Variants in RSBN1 observed in about 807,000 individuals in gnomAD.
RSBN1 encodes the protein round spermatid basic protein 1.
A neutral mutation model predicts 74.8 loss-of-function variants in RSBN1; 23 were observed. The observed-to-expected ratio is 0.31, with a 90% CI of 0.22 to 0.44. The LOEUF is 0.44. Among genes scored for constraint, RSBN1 ranks in the 20% least tolerant of loss-of-function variants. The pLI, the probability that RSBN1 is intolerant of heterozygous loss-of-function variation, is 1.00. For synonymous variants in RSBN1, 407 were observed against 379.6 expected, an observed-to-expected ratio of 1.07 and a Z score of -0.84; for missense variants, 808 against 1,020.9, an observed-to-expected ratio of 0.79 and a Z score of 2.84.
At chr1:113,779,034 A>T (rs1420151199) in intron 2 of RSBN1, among the ~76,000 whole-genome samples, 13 of 152,318 alleles carry the variant, frequency 8.5e-5, no homozygotes, top group Non-Finnish European at 1.8e-4. Flanking sequence ...ATAGCAATGG[A>T]CTAGACTAGA....
intron 2 of RSBN1, among the ~76,000 whole-genome samples, chr1:113,791,492 A>G (rs905702750): frequency 6.6e-6 from 1 of 152,200 alleles, no homozygotes; most frequent in South Asian, 2.1e-4. Flanking sequence ...CACTATGTGG[A>G]AAACCCTGTG....
chr1:113,812,393 C>T lies in RSBN1; in HGVS notation c.20G>A (p.Arg7Lys), dbSNP rs913047293. 3 of 1,600,446 alleles carry T rather than the reference C, an allele frequency of 1.9e-6. No individual in the cohort carries two copies. Among genetic ancestry groups the T allele is most frequent in the African/African-American group, 2.7e-5 (2 of 74,906 alleles). The change falls in exon 1 of 7, where the codon AGA becomes AAA. Residue 7 changes from arginine (R) to lysine (K), a missense_variant. Arg to Lys is a conservative substitution (Grantham distance 26). Coordinates refer to ENST00000261441, the MANE Select transcript of RSBN1 (RefSeq NM_018364.5). ...CTCCGCCCTCCACTTGTCGGCCGTT[C>T]TTCGTCCAGAGATGAACATGCCGGA... MFISGR[R>K]TADKWRAEER... is the part of the protein sequence containing the mutation.
intron 2 of RSBN1, among the ~76,000 whole-genome samples, chr1:113,795,313 T>A (rs949866941): frequency 6.6e-6 from 1 of 152,204 alleles, no homozygotes; most frequent in Non-Finnish European, 1.5e-5. Context: ...GTTTCTTCCA[T>A]GGGAAACACA....
Position 113,766,039 on chromosome 1 carries a change from T to C in RSBN1, c.2350A>G (p.Ser784Gly). ...TQPIPVLKVESRLDSDQQHNL... is the reference protein window; with the variant it reads ...TQPIPVLKVEGRLDSDQQHNL... ...TGTTGCTGGTCAGAGTCCAGTCTAC[T>C]TTCCACTTTTAAAACTGGAATAGGC... The change falls in exon 7 of 7, where the codon AGT (serine) becomes GGT (glycine). Residue 784 changes from serine to glycine, a missense_variant. Ser to Gly is a moderately conservative substitution (Grantham distance 56, BLOSUM62 0). This residue lies in a region of RSBN1 where 91 missense variants were observed against 99.6 expected (regional missense o/e 0.91). Transcript: ENST00000261441. 1 of 1,614,100 alleles carries C rather than the reference T, an allele frequency of 6.2e-7. No individual in the cohort carries two copies.
At chr1:113,774,797 G>A (rs1174245037) in intron 4 of RSBN1, among the ~76,000 whole-genome samples, 1 of 152,118 alleles carries the variant, frequency 6.6e-6, no homozygotes, top group Non-Finnish European at 1.5e-5. Flanking sequence ...ATGGGCTACA[G>A]TGAGCCCTGA....
Position 113,763,729 on chromosome 1 carries a change from G to C in RSBN1, c.*2251C>G, listed in dbSNP as rs192278191. The C allele has an allele frequency of 6.7e-6, 1 of 148,776 alleles. No individual in the cohort carries two copies. Among genetic ancestry groups the C allele is most frequent in the Non-Finnish European group, 1.5e-5 (1 of 67,056 alleles). 9.2% of individuals were successfully genotyped at this position (148,776 alleles called of 1,614,324 possible). Reference sequence around the variant, plus strand: ...CTTTTAATGTGTTTATATTGGAGGTGAGGGTAGAATGTTTTATAAAAGGAA... The same window carrying C: ...CTTTTAATGTGTTTATATTGGAGGTCAGGGTAGAATGTTTTATAAAAGGAA... On this transcript the variant is annotated 3_prime_UTR_variant, in exon 7 of 7. Transcript: ENST00000261441.
intron 1 of RSBN1, among the ~76,000 whole-genome samples, chr1:113,803,217 C>G (rs940504497): frequency 6.6e-6 from 1 of 152,182 alleles, no homozygotes; most frequent in African/African-American, 2.4e-5. Context: ...ATTCTACTGT[C>G]TGGATGTACC....
Position 113,786,942 on chromosome 1 carries a change from C to A in RSBN1, c.1378-9134G>T, listed in dbSNP as rs189338786. Among the ~76,000 whole-genome samples, 457 of 152,278 alleles carry A rather than the reference C, an allele frequency of 3.0e-3. 1 individual carries two copies. The highest frequency in any genetic ancestry group is 0.02 in the Middle Eastern group (6 of 294). ...ATTAAATCTTTAGAATATATTGGTACCAGGTAAGGCACTCCTCCATCGTTA... is the reference window on the plus strand; with the variant it reads ...ATTAAATCTTTAGAATATATTGGTAACAGGTAAGGCACTCCTCCATCGTTA... On this transcript the variant is annotated intron_variant, in intron 2 of 6. Transcript: ENST00000261441.
chr1:113,811,867 C>A lies in RSBN1; in HGVS notation c.546G>T (p.Gly182=), dbSNP rs913706526. 6.2e-7 allele frequency: 1 copy of A among 1,613,292 alleles called. No individual in the cohort carries two copies. The highest frequency in any genetic ancestry group is 1.3e-5 in the African/African-American group (1 of 74,962). The change falls in exon 1 of 7, where the codon GGG becomes GGT. Residue 182 remains glycine (G), a synonymous_variant. Coordinates refer to ENST00000261441, the MANE Select transcript of RSBN1 (RefSeq NM_018364.5). ...TFSPLTVSAA[G]PKHKGHKERH... ...GCTCCTTGTGGCCCTTATGCTTGGG[C>A]CCGGCCGCGCTCACCGTCAGAGGCG...
At chr1:113,777,533 T>A in intron 3 of RSBN1, 138 bp downstream of exon 3, 4 of 954,004 alleles carry the variant, frequency 4.2e-6, no homozygotes, top group Non-Finnish European at 4.5e-6. Flanking sequence ...TGTACTAATA[T>A]TATTCTATCT....
chr1:113,789,059 C>G (rs991498967), intron 2 of RSBN1, among the ~76,000 whole-genome samples: 2 of 152,222 alleles, frequency 1.3e-5, no homozygotes, highest in Non-Finnish European at 1.5e-5. Context: ...TTGTTATCTC[C>G]AAATAGCTCT....
chr1:113,774,418 T>C (rs1360166004), intron 4 of RSBN1, among the ~76,000 whole-genome samples: 1 of 151,934 alleles, frequency 6.6e-6, no homozygotes, highest in Non-Finnish European at 1.5e-5. Context: ...CTCACGCCTG[T>C]AATCCCAGCA....
chr1:113,789,427 G>A (rs1660323241), intron 2 of RSBN1, among the ~76,000 whole-genome samples: 1 of 152,100 alleles, frequency 6.6e-6, no homozygotes, highest in East Asian at 1.9e-4. Flanking sequence ...TCTTCATATG[G>A]CTGTTTATTT....
In RSBN1 at chr1:113,765,411, T is replaced by A. The variant is rs1322999476; in HGVS notation, c.*569A>T. 1 of 152,710 alleles carries A rather than the reference T, an allele frequency of 6.5e-6. No homozygotes were observed. The highest frequency in any genetic ancestry group is 1.5e-5 in the Non-Finnish European group (1 of 68,200). 9.5% of individuals were successfully genotyped at this position (152,710 alleles called of 1,614,324 possible). On this transcript the variant is annotated 3_prime_UTR_variant, in exon 7 of 7. Coordinates refer to ENST00000261441, the MANE Select transcript of RSBN1 (RefSeq NM_018364.5). ...GTTTGGATCAGAAAGTGCTGTGCTT[T>A]CTCTTTTGTTAAGAAACCAGAGAGC...
At position 113,812,107 on chromosome 1, in the gene RSBN1, C is replaced by A. The variant is rs767830033; in HGVS notation, c.306G>T (p.Arg102=). The change falls in exon 1 of 7, where the codon CGG becomes CGT. Residue 102 remains arginine, a synonymous_variant. Transcript: ENST00000261441. ...SSGGSQEKRG[R]PSQEPPLAPP... The stretch of plus-strand genomic sequence containing the variant: ...GAGCGAGAGGGGGCTCCTGGCTCGG[C>A]CGCCCCCGCTTCTCCTGAGACCCCC... The A allele has an allele frequency of 1.3e-6, 2 of 1,598,712 alleles. No homozygotes were observed. Among genetic ancestry groups the A allele is most frequent in the South Asian group, 2.2e-5 (2 of 90,382 alleles).
chr1:113,784,983 A>G (rs1237579336), intron 2 of RSBN1, among the ~76,000 whole-genome samples: 1 of 152,194 alleles, frequency 6.6e-6, no homozygotes, highest in Non-Finnish European at 1.5e-5. Context: ...AATTAACTTT[A>G]GCTTACTGTA....
chr1:113,807,434 C>CA (rs1382270021), intron 1 of RSBN1, among the ~76,000 whole-genome samples: 2 of 151,324 alleles, frequency 1.3e-5, no homozygotes, highest in African/African-American at 2.4e-5. Context: ...CTGTGATCTA[C>CA]AAAAAATTAT....
intron 2 of RSBN1, among the ~76,000 whole-genome samples, chr1:113,782,350 A>C (rs1159121378): frequency 6.6e-6 from 1 of 152,240 alleles, no homozygotes; most frequent in Non-Finnish European, 1.5e-5. Flanking sequence ...ATAGATTTGG[A>C]AATTGTCTAT....
chr1:113,781,214 A>G (rs1405702872), intron 2 of RSBN1, among the ~76,000 whole-genome samples: 2 of 152,208 alleles, frequency 1.3e-5, no homozygotes, highest in Non-Finnish European at 2.9e-5. Context: ...CAAAAGCACC[A>G]AGATATATAT....
Sources: gnomAD v4.1 joint callset for allele counts (sites outside exome capture counted in the v4.1 genomes callset) on GRCh38, gnomAD v4.1.1 for gene constraint, gnomAD v4.1.1 regional missense constraint, MANE v1.5 for transcripts, NCBI Gene and HGNC (gene_info 2026-07-23, HGNC 2026-07-21) for gene names.